SPOCK1: variants seen among roughly 807,000 people sequenced by gnomAD.
SPOCK1 encodes the protein testican-1.
SPOCK1 carries 23 observed loss-of-function variants against 55.3 expected under a neutral mutation model. That is an observed-to-expected ratio of 0.42 (90% CI 0.30 to 0.59). The LOEUF (loss-of-function observed/expected upper bound fraction) is 0.59. Among genes scored for constraint, SPOCK1 ranks in the 20% least tolerant of loss-of-function variants. The pLI, the probability that SPOCK1 is intolerant of heterozygous loss-of-function variation, is 0.22. For synonymous variants in SPOCK1, 226 were observed against 221.0 expected, an observed-to-expected ratio of 1.02 and a Z score of -0.20; for missense variants, 499 against 552.5, an observed-to-expected ratio of 0.90 and a Z score of 0.97.
At chr5:137,400,750 C>T (rs1420685628) in intron 2 of SPOCK1, among the ~76,000 whole-genome samples, 2 of 152,190 alleles carry the variant, frequency 1.3e-5, no homozygotes, top group Admixed American at 6.5e-5. Context: ...GACTTAAGTG[C>T]TTCTCCCAGC....
chr5:136,990,917 G>A (rs1387065017), intron 7 of SPOCK1, among the ~76,000 whole-genome samples: 2 of 152,062 alleles, frequency 1.3e-5, no homozygotes, highest in Admixed American at 6.6e-5. Flanking sequence ...GGAGAAAGGA[G>A]AGCAGCCCTT....
chr5:137,079,006 T>A (rs1038101519), intron 5 of SPOCK1, among the ~76,000 whole-genome samples: 1 of 152,226 alleles, frequency 6.6e-6, no homozygotes, highest in African/African-American at 2.4e-5. Context: ...ACATGCTTAC[T>A]GTGACCCAGC....
At chr5:137,475,603 G>A (rs1580947644) in intron 2 of SPOCK1, among the ~76,000 whole-genome samples, 1 of 138,840 alleles carries the variant, frequency 7.2e-6, no homozygotes, top group Admixed American at 7.4e-5. Flanking sequence ...TTTATTTTGA[G>A]ACAAGGTTTC....
chr5:137,475,804 G>A (rs1753826579), intron 2 of SPOCK1, among the ~76,000 whole-genome samples: 1 of 151,918 alleles, frequency 6.6e-6, no homozygotes, highest in Admixed American at 6.6e-5. Context: ...TGAACTCCTG[G>A]CCTCAAACAA....
intron 2 of SPOCK1, among the ~76,000 whole-genome samples, chr5:137,425,455 C>G (rs1358893045): frequency 6.6e-6 from 1 of 151,108 alleles, no homozygotes; most frequent in African/African-American, 2.4e-5. Flanking sequence ...ACAAATTCAT[C>G]TCCAAAAAAA....
At chr5:137,306,194 G>A (rs1757698214) in intron 2 of SPOCK1, among the ~76,000 whole-genome samples, 1 of 152,234 alleles carries the variant, frequency 6.6e-6, no homozygotes, top group African/African-American at 2.4e-5. Context: ...GGAAGGTGGA[G>A]GAGAAACAAG....
chr5:137,243,867 C>T (rs140432095), intron 3 of SPOCK1, among the ~76,000 whole-genome samples: 780 of 152,280 alleles, frequency 5.1e-3, no homozygotes, highest in African/African-American at 0.018. Context: ...CCACACTGTT[C>T]CGCGGACTTG....
At chr5:137,490,011 C>A (rs997660599) in intron 2 of SPOCK1, among the ~76,000 whole-genome samples, 2 of 152,290 alleles carry the variant, frequency 1.3e-5, no homozygotes, top group Non-Finnish European at 1.5e-5. Flanking sequence ...ATGATTATTC[C>A]GTGATTGTTT....
chr5:137,297,923 T>G (rs138122967), intron 2 of SPOCK1, among the ~76,000 whole-genome samples: 2 of 152,072 alleles, frequency 1.3e-5, no homozygotes, highest in African/African-American at 4.8e-5. Context: ...TTTCAAAATC[T>G]CATCAAGACA....
intron 6 of SPOCK1, among the ~76,000 whole-genome samples, chr5:137,049,064 G>T (rs1752153635): frequency 7.2e-6 from 1 of 139,858 alleles, no homozygotes; most frequent in Admixed American, 7.3e-5. Context: ...CTCTCTGGCT[G>T]CCCTTAACAT....
chr5:137,167,730 A>G (rs1754676289), intron 3 of SPOCK1, among the ~76,000 whole-genome samples: 1 of 152,132 alleles, frequency 6.6e-6, no homozygotes, highest in African/African-American at 2.4e-5. Flanking sequence ...TGGATCAGTG[A>G]AGAAATTAAG....
At chr5:137,216,709 T>TAA (rs34913713) in intron 3 of SPOCK1, among the ~76,000 whole-genome samples, 1 of 150,174 alleles carries the variant, frequency 6.7e-6, no homozygotes, top group African/African-American at 2.5e-5. Flanking sequence ...AGACTTCGTC[T>TAA]AAAAAAAAAG....
chr5:137,032,196 G>A (rs777158069), intron 6 of SPOCK1, among the ~76,000 whole-genome samples: 2 of 151,994 alleles, frequency 1.3e-5, no homozygotes, highest in Non-Finnish European at 2.9e-5. Flanking sequence ...CACGTTTGCT[G>A]ACTCACTGGG....
rs190350259 is a variant in SPOCK1 at position 137,419,478 on chromosome 5, G to A, written c.186+78895C>T. ...TGCTTGTATCCTCTTTTATTTCAAT[G>A]AGCAGTGGTTTGTAGTTCTCCTTGA... is the stretch of plus-strand genomic sequence containing the variant. On this transcript the variant is annotated intron_variant, in intron 2 of 10. Coordinates refer to ENST00000394945, the MANE Select transcript of SPOCK1 (RefSeq NM_004598.4). 9.9e-4 allele frequency among the ~76,000 whole-genome samples: 150 copies of A among 152,254 alleles called. 1 individual carries two copies. The East Asian group carries it at 0.026, about 26-fold the overall frequency.
intron 3 of SPOCK1, among the ~76,000 whole-genome samples, chr5:137,240,400 G>A (rs1357985305): frequency 2.0e-5 from 3 of 152,192 alleles, no homozygotes; most frequent in African/African-American, 7.2e-5. Context: ...ACGGAGCAAG[G>A]TGGGAGGAGA....
At chr5:137,014,397 C>T (rs181833358) in intron 6 of SPOCK1, among the ~76,000 whole-genome samples, 12 of 152,298 alleles carry the variant, frequency 7.9e-5, no homozygotes, top group African/African-American at 1.9e-4. Flanking sequence ...CTAAGACACT[C>T]ACTGAGTCCA....
chr5:137,308,547 T>C (rs1757738109), intron 2 of SPOCK1, among the ~76,000 whole-genome samples: 1 of 152,174 alleles, frequency 6.6e-6, no homozygotes, highest in African/African-American at 2.4e-5. Context: ...AAGGACAGCA[T>C]ATCTGCGGTT....
intron 3 of SPOCK1, among the ~76,000 whole-genome samples, chr5:137,230,849 A>G (rs967386701): frequency 1.3e-5 from 2 of 152,144 alleles, no homozygotes; most frequent in Admixed American, 1.3e-4. Flanking sequence ...CTTACAAAAC[A>G]TTCCATTTTC....
intron 2 of SPOCK1, among the ~76,000 whole-genome samples, chr5:137,334,600 C>T (rs1031535718): frequency 1.3e-5 from 2 of 152,150 alleles, no homozygotes; most frequent in African/African-American, 2.4e-5. Context: ...AAAAGATAAC[C>T]TTCATGGTAA....
Sources: allele counts gnomAD v4.1 joint callset (sites outside exome capture counted in the v4.1 genomes callset), GRCh38; gene constraint gnomAD v4.1.1; transcripts MANE v1.5; gene names NCBI Gene and HGNC (gene_info 2026-07-23, HGNC 2026-07-21).